Variants in VPS26C observed in about 807,000 individuals in gnomAD.
The protein encoded by VPS26C is VPS26 endosomal protein sorting factor C.
VPS26C carries 19 observed loss-of-function variants against 30.6 expected under a neutral mutation model. The observed-to-expected ratio is 0.62, with a 90% confidence interval of 0.43 to 0.91. The LOEUF (loss-of-function observed/expected upper bound fraction) is 0.91, where lower values mean the gene tolerates loss of function less well. Ranked by LOEUF, VPS26C falls within the 40% of genes least tolerant of loss-of-function variation. The probability of loss-of-function intolerance (pLI) is 0.00; values close to 1 mark genes in which losing one functional copy is unlikely to be tolerated. For synonymous variants in VPS26C, 132 were observed against 151.5 expected (o/e 0.87, Z 0.95); for missense variants, 318 against 385.1 (o/e 0.83, Z 1.46).
At chr21:37,251,615 G>A (rs1175735005) in intron 1 of VPS26C, among the ~76,000 whole-genome samples, 1 of 152,206 alleles carries the variant, frequency 6.6e-6, no homozygotes, top group Non-Finnish European at 1.5e-5. Context: ...TTGCCCCACA[G>A]GAGAAGCCCT....
intron 1 of VPS26C, among the ~76,000 whole-genome samples, chr21:37,244,162 C>T (rs925217918): frequency 7.2e-5 from 11 of 152,278 alleles, no homozygotes; most frequent in Non-Finnish European, 1.5e-4. Context: ...GGCTACTGGC[C>T]ACCTTGCTCT....
At position 37,228,164 on chromosome 21, in the gene VPS26C, C is replaced by T. The variant is rs923161019; in HGVS notation, c.658+59G>A. The T allele has an allele frequency of 2.1e-5, 33 of 1,580,232 alleles. No homozygotes were observed. The African/African-American group carries it at 3.9e-4, about 19-fold the overall frequency. ...CCCCAGCATCCTCTTAACCATGGAA[C>T]GTGAGGGTGGCAGTCGAGGGGGACA... On this transcript the variant is annotated intron_variant, in intron 6 of 7. Transcript: ENST00000309117.
At chr21:37,243,831 C>T (rs2086111584) in intron 1 of VPS26C, among the ~76,000 whole-genome samples, 1 of 152,186 alleles carries the variant, frequency 6.6e-6, no homozygotes, top group Non-Finnish European at 1.5e-5. Context: ...TTGTATCACC[C>T]CACTCCGTGT....
intron 5 of VPS26C, 167 bp from the exon 6 acceptor site, chr21:37,228,540 A>G (rs1161725970): frequency 6.1e-6 from 4 of 651,364 alleles, no homozygotes; most frequent in Non-Finnish European, 1.0e-5. Flanking sequence ...CGTCTTGGAC[A>G]TTAGCCGGCT....
At chr21:37,258,956 T>G (rs148988084) in intron 1 of VPS26C, among the ~76,000 whole-genome samples, 1 of 152,332 alleles carries the variant, frequency 6.6e-6, no homozygotes, top group East Asian at 1.9e-4. Context: ...ATGCATTATA[T>G]AAGAGTTTAG....
At chr21:37,227,367 C>T in intron 7 of VPS26C, 1 of 399,764 alleles carries the variant, frequency 2.5e-6, no homozygotes, top group East Asian at 4.3e-5. Context: ...GTCACCTGCC[C>T]ATGTCTACAC....
Position 37,240,495 on chromosome 21 carries a change from C to CGTA in VPS26C, c.201_201+1insTAC (p.Lys67_Pro68insTyr). Reference sequence around the variant, plus strand: ...CTTGCAATCTAAGCATTCTTTCTTACCTTAACAGAATTATAAAAAGCTTCA... The same window carrying CGTA: ...CTTGCAATCTAAGCATTCTTTCTTACGTACTTAACAGAATTATAAAAAGCTTCA... On this transcript the variant is annotated inframe_insertion and splice_region_variant. Transcript: ENST00000309117. The CGTA allele has an allele frequency of 6.2e-7, 1 of 1,613,866 alleles. No homozygotes were observed. Among genetic ancestry groups the CGTA allele is most frequent in the East Asian group, 2.2e-5 (1 of 44,878 alleles).
chr21:37,251,083 A>G (rs1473258976), intron 1 of VPS26C, among the ~76,000 whole-genome samples: 1 of 152,176 alleles, frequency 6.6e-6, no homozygotes, highest in Non-Finnish European at 1.5e-5. Context: ...AGATAAAAAA[A>G]TGTCATTACA....
chr21:37,267,697 T>G, upstream of VPS26C: 1 of 269,052 alleles, frequency 3.7e-6, no homozygotes. Context: ...TGTCTGTCGG[T>G]TGCAGCCTGC....
intron 1 of VPS26C, among the ~76,000 whole-genome samples, chr21:37,255,389 G>C (rs1360304845): frequency 6.6e-6 from 1 of 152,170 alleles, no homozygotes; most frequent in South Asian, 2.1e-4. Flanking sequence ...ACGTAAATAA[G>C]ACACTGTCAT....
chr21:37,250,319 A>G (rs75658899), intron 1 of VPS26C, among the ~76,000 whole-genome samples: 2 of 151,784 alleles, frequency 1.3e-5, no homozygotes, highest in African/African-American at 4.8e-5. Context: ...AAAAAAAAAA[A>G]TCAAGTTGGA....
intron 1 of VPS26C, chr21:37,261,859 G>C (rs920577771): frequency 2.6e-5 from 4 of 151,952 alleles, no homozygotes; most frequent in African/African-American, 9.7e-5. Context: ...AATCTAGATG[G>C]AGTGATCCTA....
Position 37,227,807 on chromosome 21 carries a change from C to T in VPS26C, c.659-1G>A. The T allele has an allele frequency of 6.2e-7, 1 of 1,613,590 alleles. No homozygotes were observed. Among genetic ancestry groups the T allele is most frequent in the Non-Finnish European group, 8.5e-7 (1 of 1,179,994 alleles). ...TCGCGGGCATAGCCTTCTGCACACC[C>T]TGCGGGAGGGAGGCCACATCACGCG... On this transcript the variant is annotated splice_acceptor_variant, in intron 6 of 7. Transcript: ENST00000309117. LOFTEE classifies it high-confidence loss of function.
At position 37,223,859 on chromosome 21, in the gene VPS26C, AT is replaced by A. The variant is rs35044643; in HGVS notation, c.*1684del. 0.32 allele frequency: 49,367 copies of A among 152,164 alleles called. 8,347 individuals are homozygous for A. Among genetic ancestry groups the A allele is most frequent in the East Asian group, 0.51 (2,612 of 5,164 alleles). The allele number at this position is 152,164 out of a possible 1,614,324, so 9.4% of individuals were successfully genotyped here. A position where few individuals can be genotyped will look rare whatever the true frequency, so the allele number is the denominator to read the frequency against. On this transcript the variant is annotated 3_prime_UTR_variant, in exon 8 of 8. Transcript: ENST00000309117. ...CCTGTTTTGGCCAAGCCCATCCAGAATGAAAAGTACAAAAGAAGGCTAGTGT... is the reference window on the plus strand; with the variant it reads ...CCTGTTTTGGCCAAGCCCATCCAGAAGAAAAGTACAAAAGAAGGCTAGTGT...
At chr21:37,260,875 T>C (rs766437672) in intron 1 of VPS26C, among the ~76,000 whole-genome samples, 7 of 152,226 alleles carry the variant, frequency 4.6e-5, no homozygotes, top group African/African-American at 9.7e-5. Flanking sequence ...CTGTCTGAAA[T>C]TGATACCTAG....
Position 37,228,221 on chromosome 21 carries a change from A to G in VPS26C, c.658+2T>C. On this transcript the variant is annotated splice_donor_variant, in intron 6 of 7. Transcript: ENST00000309117. LOFTEE classifies it high-confidence loss of function. ...CGCCAGGCCTGGTGGCACGGCCCTC[A>G]CCGCACGTCTCCACGCGCACCAGCT... 2 of 1,610,824 alleles carry G rather than the reference A, an allele frequency of 1.2e-6. No homozygotes were observed. Among genetic ancestry groups the G allele is most frequent in the Non-Finnish European group, 8.5e-7 (1 of 1,179,892 alleles).
intron 1 of VPS26C, among the ~76,000 whole-genome samples, chr21:37,247,818 G>A (rs1279979668): frequency 1.3e-5 from 2 of 152,166 alleles, no homozygotes; most frequent in African/African-American, 4.8e-5. Flanking sequence ...TGAATTCCGA[G>A]AATGAAGGAT....
At chr21:37,252,056 T>C (rs1196158215) in intron 1 of VPS26C, among the ~76,000 whole-genome samples, 1 of 152,112 alleles carries the variant, frequency 6.6e-6, no homozygotes, top group Non-Finnish European at 1.5e-5. Flanking sequence ...CTAAACCACC[T>C]GAGATTCTGC....
At position 37,227,657 on chromosome 21, in the gene VPS26C, C is replaced by T. The variant is rs149833170; in HGVS notation, c.808G>A (p.Val270Met). 7.2e-4 allele frequency: 1,159 copies of T among 1,613,686 alleles called. No homozygotes were observed. The highest frequency in any genetic ancestry group is 8.3e-4 in the Non-Finnish European group (984 of 1,179,780). Residue 270 changes from valine to methionine, a missense_variant, in exon 7 of 8, where the codon GTG becomes ATG. By Grantham distance (21) the Val-to-Met change is conservative. Coordinates refer to ENST00000309117, the MANE Select transcript of VPS26C (RefSeq NM_006052.2). ...CPTLETTNFK[V>M]EFEVNIVVLL... ...CTGGGAGGCGAGTGCCACTTACCCA[C>T]TTTGAAGTTGGTGGTCTCCAGTGTA...
Sources: gnomAD v4.1 joint callset for allele counts (sites outside exome capture counted in the v4.1 genomes callset) on GRCh38, gnomAD v4.1.1 for gene constraint, MANE v1.5 for transcripts, NCBI Gene and HGNC (gene_info 2026-07-23, HGNC 2026-07-21) for gene names.